The following CRYL1 variants were observed in gnomAD, a reference collection of about 807,000 sequenced individuals.
CRYL1 encodes the protein crystallin lambda 1, also known as lambda-crystallin homolog.
A neutral mutation model predicts 36.6 loss-of-function variants in CRYL1; 29 were observed. That is an observed-to-expected ratio of 0.79 (90% CI 0.59 to 1.08). CRYL1 has a LOEUF of 1.08. CRYL1 is among the 50% of genes least tolerant of loss of function. The pLI is 0.00. For synonymous variants in CRYL1, 152 were observed against 151.5 expected (o/e 1.00, Z -0.02); for missense variants, 411 against 407.9 (o/e 1.01, Z -0.06).
chr13:20,504,525 C>T (rs1186127599), intron 2 of CRYL1, among the ~76,000 whole-genome samples: 1 of 151,942 alleles, frequency 6.6e-6, no homozygotes, highest in African/African-American at 2.4e-5. Flanking sequence ...AGGCTGGTCT[C>T]GAACTCCTGA....
chr13:20,433,636 C>T (rs954216671), intron 4 of CRYL1: 4 of 154,084 alleles, frequency 2.6e-5, no homozygotes, highest in South Asian at 4.1e-4. Flanking sequence ...CTTATAGAAA[C>T]GCTTAACCTC....
intron 1 of CRYL1, 26 bp from the exon 2 acceptor site, chr13:20,512,576 C>T (rs376577827): frequency 9.0e-6 from 14 of 1,550,470 alleles, no homozygotes; most frequent in Admixed American, 1.8e-5. Flanking sequence ...AGAAAGGATT[C>T]GAGTTAATTT....
intron 6 of CRYL1, among the ~76,000 whole-genome samples, chr13:20,412,757 G>A (rs2031556618): frequency 6.6e-6 from 1 of 152,154 alleles, no homozygotes; most frequent in Non-Finnish European, 1.5e-5. Flanking sequence ...GGCAGCGTCT[G>A]GCCAATGTCT....
chr13:20,491,545 C>T (rs947234230), intron 2 of CRYL1, among the ~76,000 whole-genome samples: 11 of 152,200 alleles, frequency 7.2e-5, no homozygotes, highest in African/African-American at 2.7e-4. Context: ...AATTCCAGCA[C>T]TTTGCGAGGC....
chr13:20,483,866 G>C (rs989317983), intron 3 of CRYL1, among the ~76,000 whole-genome samples: 1 of 152,126 alleles, frequency 6.6e-6, no homozygotes, highest in African/African-American at 2.4e-5. Context: ...CGCCAGGCTG[G>C]AGTGCAGTGG....
chr13:20,482,770 T>C (rs1001189430), intron 3 of CRYL1, among the ~76,000 whole-genome samples: 1 of 151,976 alleles, frequency 6.6e-6, no homozygotes, highest in African/African-American at 2.4e-5. Context: ...CGCGTGTGTG[T>C]GCGCACGCAC....
At chr13:20,491,804 G>A (rs2033518259) in intron 2 of CRYL1, among the ~76,000 whole-genome samples, 1 of 151,992 alleles carries the variant, frequency 6.6e-6, no homozygotes, top group African/African-American at 2.4e-5. Context: ...AAACAAGCAA[G>A]CAAAAAACAA....
chr13:20,512,551 C>T lies in CRYL1; in HGVS notation c.42-1G>A. 6.2e-7 allele frequency: 1 copy of T among 1,608,412 alleles called. No homozygotes were observed. The highest frequency in any genetic ancestry group is 8.5e-7 in the Non-Finnish European group (1 of 1,175,576). On this transcript the variant is annotated splice_acceptor_variant, in intron 1 of 7. Coordinates refer to ENST00000298248, the MANE Select transcript of CRYL1 (RefSeq NM_015974.3). LOFTEE classifies it high-confidence loss of function. ...GGCCCAGCTTCGCCCAATGACTCCA[C>T]TGAAGGGAGATAAAAGAAAGGATTC...
At chr13:20,426,797 T>C (rs928265175) in intron 5 of CRYL1, 5 of 985,426 alleles carry the variant, frequency 5.1e-6, no homozygotes, top group South Asian at 9.4e-5. Flanking sequence ...AGCTCAACGA[T>C]GAAGTTCTGG....
In CRYL1 at chr13:20,415,551, C is replaced by T. The variant is rs988731890; in HGVS notation, c.634-2164G>A. ...CCGGCGAGGGCGAGGGCCAGGGCCA[C>T]TCACTGTGACCCGCGACTCCCTTTT... On this transcript the variant is annotated intron_variant, in intron 5 of 7. Transcript: ENST00000298248. The surrounding 1 kb of genome is among the most constrained non-coding windows in gnomAD (Gnocchi z 4.1). 6.6e-6 allele frequency among the ~76,000 whole-genome samples: 1 copy of T among 152,142 alleles called. No individual in the cohort carries two copies. Among genetic ancestry groups the T allele is most frequent in the East Asian group, 1.9e-4 (1 of 5,176 alleles).
At chr13:20,437,508 C>G (rs4083643) in intron 4 of CRYL1, among the ~76,000 whole-genome samples, 42,182 of 151,920 alleles carry the variant, frequency 0.28, 6,090 homozygotes, top group East Asian at 0.39. Flanking sequence ...GGGGTTTCAC[C>G]GTGTTAGCCA....
At chr13:20,490,790 C>G (rs2033496317) in intron 2 of CRYL1, among the ~76,000 whole-genome samples, 1 of 152,182 alleles carries the variant, frequency 6.6e-6, no homozygotes, top group Non-Finnish European at 1.5e-5. Flanking sequence ...TGTGCGGTCA[C>G]CCGGGCCACC....
At chr13:20,426,614 A>T (rs1321681808) in intron 5 of CRYL1, 1 of 785,180 alleles carries the variant, frequency 1.3e-6, no homozygotes, top group African/African-American at 1.9e-5. Flanking sequence ...ACACACAGAG[A>T]CACATACAGA....
chr13:20,492,328 A>G (rs1483600223), intron 2 of CRYL1, among the ~76,000 whole-genome samples: 1 of 152,252 alleles, frequency 6.6e-6, no homozygotes, highest in Non-Finnish European at 1.5e-5. Context: ...ATTTATCTCA[A>G]TAAAGCAGTA....
At chr13:20,430,501 A>T (rs1160486569) in intron 5 of CRYL1, 2 of 985,426 alleles carry the variant, frequency 2.0e-6, no homozygotes, top group East Asian at 2.3e-4. Flanking sequence ...AACCAAAAGC[A>T]GGGTGGACAT....
chr13:20,427,403 G>A (rs1373497281), intron 5 of CRYL1: 9 of 665,830 alleles, frequency 1.4e-5, no homozygotes, highest in East Asian at 1.4e-4. Flanking sequence ...TCTACCCCAC[G>A]AAGGTCTAAG....
chr13:20,431,154 G>A (rs1262994200), intron 5 of CRYL1: 1 of 985,282 alleles, frequency 1.0e-6, no homozygotes, highest in Non-Finnish European at 1.2e-6. Context: ...TGGTTTGGAA[G>A]AACTGCTGGG....
rs1378475821 is a variant in CRYL1, at chr13:20,525,470, AG to A, written c.41+283del. ...ACATTCAACAGAGTCCAGGAACCGC[AG>A]GCCCCGCGGCCTGGGCGGTCAACCT... On this transcript the variant is annotated intron_variant, in intron 1 of 7. Transcript: ENST00000298248. The surrounding 1 kb of genome is among the most constrained non-coding windows in gnomAD (Gnocchi z 4.3). Among the ~76,000 whole-genome samples, 1 of 152,174 alleles carries A rather than the reference AG, an allele frequency of 6.6e-6. No homozygotes were observed. Among genetic ancestry groups the A allele is most frequent in the Admixed American group, 6.5e-5 (1 of 15,284 alleles).
intron 2 of CRYL1, among the ~76,000 whole-genome samples, chr13:20,499,268 C>T (rs2033662083): frequency 6.6e-6 from 1 of 151,686 alleles, no homozygotes; most frequent in African/African-American, 2.4e-5. Flanking sequence ...ATTGCTTGAG[C>T]CCAGGGGGCA....
Sources: allele counts gnomAD v4.1 joint callset (sites outside exome capture counted in the v4.1 genomes callset), GRCh38; gene constraint gnomAD v4.1.1; non-coding constraint Gnocchi (gnomAD v3.1); transcripts MANE v1.5; gene names NCBI Gene and HGNC (gene_info 2026-07-23, HGNC 2026-07-21).